Variants in EML5 observed in about 807,000 individuals in gnomAD.
The protein encoded by EML5 is EMAP like 5.
EML5 carries 120 observed loss-of-function variants against 250.0 expected under a neutral mutation model. The observed-to-expected ratio is 0.48, with a 90% CI of 0.41 to 0.56. EML5 has a LOEUF of 0.56. Among genes scored for constraint, EML5 ranks in the 20% least tolerant of loss-of-function variants. The pLI is 0.00. For synonymous variants in EML5, 771 were observed against 806.5 expected, an observed-to-expected ratio of 0.96 and a Z score of 0.75; for missense variants, 2,006 against 2,437.6, an observed-to-expected ratio of 0.82 and a Z score of 3.73.
chr14:88,687,113 G>A (rs1013540473), intron 19 of EML5, 103 bp downstream of exon 19: 1 of 855,266 alleles, frequency 1.2e-6, no homozygotes, highest in African/African-American at 1.8e-5. Flanking sequence ...TGCCCAACAA[G>A]ACGGAAAAAT....
intron 1 of EML5, among the ~76,000 whole-genome samples, chr14:88,768,749 A>G (rs2094353494): frequency 6.6e-6 from 1 of 152,094 alleles, no homozygotes; most frequent in Admixed American, 6.5e-5. Flanking sequence ...TTTCTTCAAC[A>G]TTTATTAATT....
At chr14:88,706,692 T>G (rs1435824795) in intron 10 of EML5, among the ~76,000 whole-genome samples, 6 of 152,224 alleles carry the variant, frequency 3.9e-5, no homozygotes, top group Non-Finnish European at 5.9e-5. Flanking sequence ...GTTTTTATAT[T>G]AAAACATTTG....
At chr14:88,615,923 T>G (rs968315378) in intron 43 of EML5, 69 bp from the exon 44 acceptor site, 124 of 1,531,976 alleles carry the variant, frequency 8.1e-5, no homozygotes, top group Non-Finnish European at 1.1e-4. Context: ...TTTAATATTT[T>G]TCAGTTGTGC....
chr14:88,687,100 T>C (rs2092850339), intron 19 of EML5, 116 bp downstream of exon 19: 4 of 758,492 alleles, frequency 5.3e-6, no homozygotes, highest in Non-Finnish European at 8.6e-6. Context: ...CACTTAATTC[T>C]GATGCCCAAC....
intron 41 of EML5, 128 bp downstream of exon 41, chr14:88,618,100 A>G: frequency 1.5e-6 from 1 of 645,450 alleles, no homozygotes; most frequent in South Asian, 2.6e-5. Flanking sequence ...TACCATTTCA[A>G]AATATGGTAA....
intron 1 of EML5, among the ~76,000 whole-genome samples, chr14:88,758,881 C>T (rs900620785): frequency 2.6e-5 from 4 of 152,212 alleles, no homozygotes; most frequent in East Asian, 1.9e-4. Context: ...GAAAACATTA[C>T]GCTAAGTGAA....
chr14:88,668,551 C>T (rs1177581524), intron 21 of EML5, among the ~76,000 whole-genome samples: 2 of 152,030 alleles, frequency 1.3e-5, no homozygotes, highest in Non-Finnish European at 2.9e-5. Context: ...GGAAAAAAGC[C>T]TAATTGGAGT....
At chr14:88,618,923 A>T in intron 39 of EML5, 111 bp from the exon 40 acceptor site, 1 of 1,065,734 alleles carries the variant, frequency 9.4e-7, no homozygotes, top group Non-Finnish European at 1.3e-6. Context: ...ATAAGGCCTC[A>T]AATAGATTTA....
intron 1 of EML5, among the ~76,000 whole-genome samples, chr14:88,767,055 G>T (rs920474897): frequency 6.6e-6 from 1 of 152,098 alleles, no homozygotes; most frequent in South Asian, 2.1e-4. Context: ...CTAATTTTCA[G>T]TTATATCCTG....
chr14:88,755,103 A>T (rs2094143279), intron 1 of EML5, among the ~76,000 whole-genome samples: 2 of 152,190 alleles, frequency 1.3e-5, no homozygotes, highest in African/African-American at 4.8e-5. Context: ...CACGCCCAGC[A>T]GGTAATTTGG....
intron 21 of EML5, among the ~76,000 whole-genome samples, chr14:88,680,828 G>C (rs558270949): frequency 6.6e-6 from 1 of 151,840 alleles, no homozygotes; most frequent in African/African-American, 2.4e-5. Flanking sequence ...ATTCCCACAG[G>C]TAAAGTCCAA....
chr14:88,694,223 G>A (rs1403229971), intron 17 of EML5, 84 bp downstream of exon 17: 1 of 855,512 alleles, frequency 1.2e-6, no homozygotes, highest in Non-Finnish European at 1.9e-6. Flanking sequence ...TGCAGTCTAG[G>A]GTACACACTG....
intron 33 of EML5, among the ~76,000 whole-genome samples, chr14:88,628,889 G>C (rs1280120006): frequency 6.6e-6 from 1 of 151,898 alleles, no homozygotes; most frequent in Non-Finnish European, 1.5e-5. Flanking sequence ...TTATGCAACT[G>C]TAAAATATCA....
At position 88,792,411 on chromosome 14, in the gene EML5, A is replaced by T. The variant is rs2094619940; in HGVS notation, c.93T>A (p.Thr31=). The stretch of plus-strand genomic sequence containing the variant: ...CGAAGTATACGATCTCCTTGGCCGC[A>T]GTGTAGTAGAGGTTGTTGCGGCACT... ...GHQCRNNLYY[T]AAKEIVYFVA... The change falls in exon 1 of 44, where the codon ACT becomes ACA. Residue 31 remains threonine, a synonymous_variant. Transcript: ENST00000554922. This position sits in a 1 kb window ranked among gnomAD's most constrained non-coding sequence, Gnocchi z 6.9. The T allele has an allele frequency of 1.3e-6, 2 of 1,559,470 alleles. No homozygotes were observed. The highest frequency in any genetic ancestry group is 1.7e-6 in the Non-Finnish European group (2 of 1,153,996).
At chr14:88,648,417 G>A (rs546365684) in intron 28 of EML5, among the ~76,000 whole-genome samples, 1 of 152,080 alleles carries the variant, frequency 6.6e-6, no homozygotes, top group African/African-American at 2.4e-5. Flanking sequence ...GCAGTGGTGT[G>A]ATCATGGCTT....
intron 21 of EML5, among the ~76,000 whole-genome samples, chr14:88,675,024 C>G (rs1016423133): frequency 1.1e-4 from 16 of 152,218 alleles, no homozygotes; most frequent in African/African-American, 3.6e-4. Context: ...AGCTCTGCCC[C>G]TGTGGTTTTG....
At chr14:88,685,598 C>A (rs1431934854) in intron 19 of EML5, among the ~76,000 whole-genome samples, 1 of 152,022 alleles carries the variant, frequency 6.6e-6, no homozygotes, top group African/African-American at 2.4e-5. Context: ...TTGCATATAA[C>A]CCACATACAT....
chr14:88,640,774 G>A (rs1028143076), intron 31 of EML5, among the ~76,000 whole-genome samples: 11 of 151,766 alleles, frequency 7.2e-5, no homozygotes, highest in African/African-American at 2.4e-5. Context: ...TAAAAAAATC[G>A]GTTTTTTGAA....
intron 17 of EML5, among the ~76,000 whole-genome samples, chr14:88,693,695 A>T (rs774263721): frequency 6.6e-6 from 1 of 151,780 alleles, no homozygotes; most frequent in Non-Finnish European, 1.5e-5. Flanking sequence ...TTAGATTTCC[A>T]GAAAAGATGC....
Sources: gnomAD v4.1 joint callset for allele counts (sites outside exome capture counted in the v4.1 genomes callset) on GRCh38, gnomAD v4.1.1 for gene constraint, Gnocchi (gnomAD v3.1) non-coding constraint, MANE v1.5 for transcripts, NCBI Gene and HGNC (gene_info 2026-07-23, HGNC 2026-07-21) for gene names.